DOK6: variants seen among roughly 807,000 people sequenced by gnomAD.
DOK6 encodes the protein docking protein 6.
DOK6 carries 22 observed loss-of-function variants against 44.0 expected under a neutral mutation model. The observed-to-expected ratio is 0.50, with a 90% CI of 0.36 to 0.71. The LOEUF is 0.71. Among genes scored for constraint, DOK6 ranks in the 30% least tolerant of loss-of-function variants. The pLI is 0.00. For missense variants in DOK6, 340 were observed against 416.4 expected (o/e 0.82, Z 1.60); for synonymous variants, 166 against 145.5 (o/e 1.14, Z -1.01).
chr18:69,425,632 T>C (rs982733009), intron 1 of DOK6, among the ~76,000 whole-genome samples: 3 of 152,026 alleles, frequency 2.0e-5, no homozygotes, highest in African/African-American at 7.2e-5. Flanking sequence ...TAGAAAATAA[T>C]TTAAAATAAA....
chr18:69,541,409 A>G (rs1028347884), intron 1 of DOK6, among the ~76,000 whole-genome samples: 4 of 151,536 alleles, frequency 2.6e-5, no homozygotes, highest in South Asian at 2.1e-4. Flanking sequence ...ATGTATGTAT[A>G]TTATCCACAA....
chr18:69,466,936 CT>C (rs1159050834), intron 1 of DOK6, among the ~76,000 whole-genome samples: 4 of 152,058 alleles, frequency 2.6e-5, no homozygotes, highest in African/African-American at 9.7e-5. Flanking sequence ...TAGTAACTTT[CT>C]TTCATTTTTT....
chr18:69,660,416 A>T (rs1985492261), intron 3 of DOK6: 1 of 152,128 alleles, frequency 6.6e-6, no homozygotes. Flanking sequence ...GAGGCTAACC[A>T]CTTTCTCTCA....
chr18:69,468,374 A>G (rs1979987671), intron 1 of DOK6, among the ~76,000 whole-genome samples: 1 of 152,212 alleles, frequency 6.6e-6, no homozygotes, highest in African/African-American at 2.4e-5. Flanking sequence ...TTGTATCAAA[A>G]TGTCATATGT....
intron 1 of DOK6, among the ~76,000 whole-genome samples, chr18:69,557,342 A>G (rs1982712566): frequency 6.6e-6 from 1 of 152,184 alleles, no homozygotes; most frequent in Non-Finnish European, 1.5e-5. Context: ...CTTCTGGTTA[A>G]GGCAGAGCTT....
At chr18:69,468,677 T>C (rs1979997860) in intron 1 of DOK6, among the ~76,000 whole-genome samples, 1 of 152,202 alleles carries the variant, frequency 6.6e-6, no homozygotes, top group Non-Finnish European at 1.5e-5. Flanking sequence ...TCTCATATGA[T>C]ACACAATGTC....
At chr18:69,409,169 T>C (rs1978295730) in intron 1 of DOK6, among the ~76,000 whole-genome samples, 1 of 152,200 alleles carries the variant, frequency 6.6e-6, no homozygotes. Context: ...TTCTGTCTCC[T>C]GCCGCCCTGT....
intron 6 of DOK6, among the ~76,000 whole-genome samples, chr18:69,755,185 G>T (rs1356871763): frequency 3.9e-5 from 6 of 152,142 alleles, no homozygotes. Flanking sequence ...ACAATACAGG[G>T]TGATTCAGAA....
At chr18:69,690,534 T>C (rs1190142376) in intron 4 of DOK6, among the ~76,000 whole-genome samples, 3 of 152,236 alleles carry the variant, frequency 2.0e-5, no homozygotes, top group Non-Finnish European at 4.4e-5. Flanking sequence ...AATAATCGTC[T>C]ATTATAGAAA....
intron 1 of DOK6, among the ~76,000 whole-genome samples, chr18:69,548,147 G>A (rs1038367041): frequency 6.6e-6 from 1 of 150,544 alleles, no homozygotes; most frequent in Admixed American, 6.6e-5. Flanking sequence ...TAGAGACGGG[G>A]TTTCACGGTG....
chr18:69,619,201 G>C (rs2037242249), intron 3 of DOK6, among the ~76,000 whole-genome samples: 1 of 152,218 alleles, frequency 6.6e-6, no homozygotes, highest in Admixed American at 6.5e-5. Context: ...CAATACTCAT[G>C]CATTTTCACG....
At chr18:69,714,459 C>G (rs1353448542) in intron 5 of DOK6, among the ~76,000 whole-genome samples, 1 of 152,100 alleles carries the variant, frequency 6.6e-6, no homozygotes, top group East Asian at 1.9e-4. Context: ...ATATCAGTAA[C>G]TTGATGTTTA....
chr18:69,581,512 A>AT (rs890744251), intron 2 of DOK6, among the ~76,000 whole-genome samples: 2 of 152,098 alleles, frequency 1.3e-5, no homozygotes, highest in African/African-American at 2.4e-5. Context: ...ATGGGAGGGA[A>AT]TTTTTTAGGC....
At chr18:69,821,407 C>T (rs1007196262) in intron 7 of DOK6, among the ~76,000 whole-genome samples, 6 of 152,152 alleles carry the variant, frequency 3.9e-5, no homozygotes, top group Admixed American at 3.3e-4. Flanking sequence ...AAAAGAAGCT[C>T]TCTTAACAAA....
intron 1 of DOK6, among the ~76,000 whole-genome samples, chr18:69,526,226 T>C (rs570399682): frequency 4.1e-4 from 63 of 152,200 alleles, no homozygotes; most frequent in African/African-American, 1.5e-3. Flanking sequence ...CGATGAACAG[T>C]CATTCTCCAT....
At chr18:69,764,312 A>T (rs533613579) in intron 7 of DOK6, among the ~76,000 whole-genome samples, 85 of 152,264 alleles carry the variant, frequency 5.6e-4, no homozygotes, top group Middle Eastern at 3.4e-3. Context: ...GCACGTGATG[A>T]CTAAACTTTC....
chr18:69,738,703 T>A (rs752001271), intron 5 of DOK6, among the ~76,000 whole-genome samples: 3 of 152,040 alleles, frequency 2.0e-5, no homozygotes, highest in Non-Finnish European at 4.4e-5. Context: ...TAAATCACCT[T>A]TTTTTTCTGT....
At chr18:69,700,405 T>C (rs896820870) in intron 5 of DOK6, among the ~76,000 whole-genome samples, 20 of 152,038 alleles carry the variant, frequency 1.3e-4, no homozygotes, top group African/African-American at 3.6e-4. Context: ...AACGTTTCAA[T>C]AGACTTCCAC....
chr18:69,637,375 G>A (rs1469523184), intron 3 of DOK6, among the ~76,000 whole-genome samples: 1 of 152,154 alleles, frequency 6.6e-6, no homozygotes, highest in Non-Finnish European at 1.5e-5. Flanking sequence ...CTTAAAAAGA[G>A]AGTAAAAGGA....
Sources: gnomAD v4.1 joint callset for allele counts (sites outside exome capture counted in the v4.1 genomes callset) on GRCh38, gnomAD v4.1.1 for gene constraint, MANE v1.5 for transcripts, NCBI Gene and HGNC (gene_info 2026-07-23, HGNC 2026-07-21) for gene names.